The following TACC2 variants were observed in gnomAD, a reference collection of about 807,000 sequenced individuals.
TACC2 encodes transforming acidic coiled-coil containing protein 2, also known as transforming acidic coiled-coil-containing protein 2.
TACC2 carries 137 observed loss-of-function variants against 227.3 expected under a neutral mutation model. The ratio of observed to expected loss-of-function variants is 0.60; its 90% CI spans 0.52 to 0.69. The LOEUF (loss-of-function observed/expected upper bound fraction) is 0.69. TACC2 is among the 30% of genes least tolerant of loss of function. The probability of loss-of-function intolerance (pLI) is 0.00; values close to 1 mark genes in which losing one functional copy is unlikely to be tolerated. For synonymous variants in TACC2, 1,523 were observed against 1,487.5 expected (o/e 1.02, Z -0.55); for missense variants, 3,470 against 3,694.4 (o/e 0.94, Z 1.57).
Position 122,084,031 on chromosome 10 carries a change from C to T in TACC2, c.1531C>T (p.Pro511Ser). ...CACGGAGCAAAGCCATGAGGTCCAACCAGGAGTACCACCCCCTCCTCTTCC... is the reference window on the plus strand; with the variant it reads ...CACGGAGCAAAGCCATGAGGTCCAATCAGGAGTACCACCCCCTCCTCTTCC... ...LNTEQSHEVQPGVPPPPLPKE... is the reference protein window; with the variant it reads ...LNTEQSHEVQSGVPPPPLPKE... The change falls in exon 4 of 23, where the codon CCA (proline) becomes TCA (serine). Residue 511 changes from proline to serine, a missense_variant. Physicochemically the swap from Pro to Ser is moderately conservative, Grantham distance 74 (BLOSUM62 -1). Around this residue, in one of 10 missense-constraint regions of TACC2, gnomAD observed 1,924 missense variants for 1,978.3 expected, o/e 0.97. Transcript: ENST00000369005. 1 of 1,613,978 alleles carries T rather than the reference C, an allele frequency of 6.2e-7. No individual in the cohort carries two copies. The highest frequency in any genetic ancestry group is 8.5e-7 in the Non-Finnish European group (1 of 1,179,974).
intron 19 of TACC2, chr10:122,247,682 A>G (rs1284816276): frequency 6.6e-6 from 1 of 152,212 alleles, no homozygotes; most frequent in Admixed American, 6.5e-5. Flanking sequence ...CTCATTTATA[A>G]GAGGGAGCTA....
In TACC2 at chr10:122,082,966, G is replaced by T. The variant is rs765076181; in HGVS notation, c.466G>T (p.Ala156Ser). The stretch of plus-strand genomic sequence containing the variant: ...AGGAGACATCGCGGCGGCATTTCCC[G>T]CTGAGAGGGACAGCTCTACTCCATA... ...APGDIAAAFP[A>S]ERDSSTPYQE... The change falls in exon 4 of 23, where the codon GCT becomes TCT. Residue 156 changes from alanine (A) to serine (S), a missense_variant. Coordinates refer to ENST00000369005, the MANE Select transcript of TACC2 (RefSeq NM_206862.4). 6 of 1,612,712 alleles carry T rather than the reference G, an allele frequency of 3.7e-6. No homozygotes were observed. In the East Asian group the frequency reaches 1.1e-4, roughly 30 times the overall value.
At chr10:122,154,321 G>A (rs1474488971) in intron 7 of TACC2, among the ~76,000 whole-genome samples, 8 of 152,358 alleles carry the variant, frequency 5.3e-5, no homozygotes, top group Admixed American at 3.3e-4. Flanking sequence ...TCTTAAGATC[G>A]TAGGCACAGG....
At chr10:122,129,309 C>T (rs1218144355) in intron 5 of TACC2, among the ~76,000 whole-genome samples, 8 of 152,162 alleles carry the variant, frequency 5.3e-5, no homozygotes, top group East Asian at 3.9e-4. Context: ...CCACCTGCCT[C>T]GGCCTCCCAA....
chr10:122,007,540 T>C (rs542008265), intron 1 of TACC2, among the ~76,000 whole-genome samples: 54 of 152,336 alleles, frequency 3.5e-4, no homozygotes, highest in African/African-American at 1.3e-3. Context: ...TGTGGACTTG[T>C]TGACCTTCTT....
At chr10:122,002,399 A>C (rs1225914134) in intron 1 of TACC2, among the ~76,000 whole-genome samples, 1 of 136,374 alleles carries the variant, frequency 7.3e-6, no homozygotes, top group Non-Finnish European at 1.7e-5. Context: ...TTTTTGCATC[A>C]CTCATGTTCA....
intron 6 of TACC2, among the ~76,000 whole-genome samples, chr10:122,134,835 T>C (rs11200424): frequency 0.74 from 112,817 of 152,164 alleles, 42,496 homozygotes; most frequent in Non-Finnish European, 0.82. Flanking sequence ...GCGGGATGGC[T>C]CTCAGAGAGC....
chr10:122,147,691 C>T (rs905101688), intron 7 of TACC2, among the ~76,000 whole-genome samples: 1 of 152,198 alleles, frequency 6.6e-6, no homozygotes. Flanking sequence ...CCCAATACTA[C>T]GTTATTTCAT....
chr10:122,242,600 G>A (rs997299687), intron 19 of TACC2, among the ~76,000 whole-genome samples: 1 of 152,100 alleles, frequency 6.6e-6, no homozygotes, highest in Non-Finnish European at 1.5e-5. Flanking sequence ...CACAATAAAA[G>A]AAGGCCTCAA....
At chr10:122,090,892 C>T (rs752597828) in intron 5 of TACC2, among the ~76,000 whole-genome samples, 1 of 152,140 alleles carries the variant, frequency 6.6e-6, no homozygotes, top group Non-Finnish European at 1.5e-5. Context: ...CAGGTGTGCA[C>T]CACCATGCTC....
At chr10:122,027,168 G>T (rs1253812025) in intron 2 of TACC2, among the ~76,000 whole-genome samples, 1 of 152,094 alleles carries the variant, frequency 6.6e-6, no homozygotes, top group African/African-American at 2.4e-5. Flanking sequence ...GGTATATAGT[G>T]GTATCTTGTT....
Position 122,050,421 on chromosome 10 carries a change from T to G in TACC2, c.34-17T>G, listed in dbSNP as rs371940394. 1.6e-5 allele frequency: 26 copies of G among 1,603,214 alleles called. No homozygotes were observed. The highest frequency in any genetic ancestry group is 1.8e-5 in the Non-Finnish European group (21 of 1,172,480). Reference sequence around the variant, plus strand: ...CCTATCTGATTTCCTTTCCAATTTCTTTTTCTCCTGGCTCAGAGGACTTTA... The same window carrying G: ...CCTATCTGATTTCCTTTCCAATTTCGTTTTCTCCTGGCTCAGAGGACTTTA... On this transcript the variant is annotated splice_polypyrimidine_tract_variant and intron_variant, in intron 2 of 22. Transcript: ENST00000369005. The surrounding 1 kb of genome is among the most constrained non-coding windows in gnomAD (Gnocchi z 4.6).
In TACC2 at chr10:122,062,048, T is replaced by C. The variant is rs2076886937; in HGVS notation, c.146+11498T>C. On this transcript the variant is annotated intron_variant, in intron 3 of 22. Coordinates refer to ENST00000369005, the MANE Select transcript of TACC2 (RefSeq NM_206862.4). ...GGCTTTTTTTTTTTTTTTTTTTTTT[T>C]TTGAGACGGAGTCTCGCTCTGTCAC... 3.4e-5 allele frequency among the ~76,000 whole-genome samples: 5 copies of C among 146,164 alleles called. No homozygotes were observed. The Admixed American group carries it at 3.4e-4, about 10-fold the overall frequency.
chr10:122,229,317 T>C, intron 14 of TACC2, 29 bp from the exon 15 acceptor site: 1 of 1,612,824 alleles, frequency 6.2e-7, no homozygotes, highest in Non-Finnish European at 8.5e-7. Flanking sequence ...CTATTTTTCT[T>C]GTGTGTCCTC....
At chr10:122,006,684 T>G (rs932835220) in intron 1 of TACC2, among the ~76,000 whole-genome samples, 1 of 152,084 alleles carries the variant, frequency 6.6e-6, no homozygotes, top group African/African-American at 2.4e-5. Context: ...TAGAAATTTT[T>G]CTTGAATCAA....
intron 6 of TACC2, among the ~76,000 whole-genome samples, chr10:122,137,412 G>A (rs984360340): frequency 4.6e-5 from 7 of 152,118 alleles, no homozygotes; most frequent in African/African-American, 1.2e-4. Flanking sequence ...GAGCCCAGGA[G>A]ATGGAGGTTG....
intron 3 of TACC2, among the ~76,000 whole-genome samples, chr10:122,074,489 C>A (rs2078539409): frequency 6.6e-6 from 1 of 152,120 alleles, no homozygotes. Flanking sequence ...TCCTATGTAA[C>A]TTTTGTTAGC....
chr10:122,237,365 T>G (rs2095876965), intron 16 of TACC2, 30 bp from the exon 17 acceptor site: 2 of 1,366,568 alleles, frequency 1.5e-6, no homozygotes, highest in African/African-American at 1.5e-5. Context: ...ATGCTAACTG[T>G]TTTTTTTTTA....
intron 1 of TACC2, among the ~76,000 whole-genome samples, chr10:121,997,472 C>A (rs1953677461): frequency 6.6e-6 from 1 of 152,166 alleles, no homozygotes; most frequent in African/African-American, 2.4e-5. Context: ...ATCTGATTGT[C>A]CCCACATAAG....
Sources: allele counts gnomAD v4.1 joint callset (sites outside exome capture counted in the v4.1 genomes callset), GRCh38; gene constraint gnomAD v4.1.1; regional missense constraint gnomAD v4.1.1; non-coding constraint Gnocchi (gnomAD v3.1); transcripts MANE v1.5; gene names NCBI Gene and HGNC (gene_info 2026-07-23, HGNC 2026-07-21).